Variants in FBN2 observed in about 807,000 individuals in gnomAD.
The protein encoded by FBN2 is fibrillin-2.
FBN2 carries 105 observed loss-of-function variants against 355.6 expected under a neutral mutation model. The ratio of observed to expected loss-of-function variants is 0.30; its 90% CI spans 0.25 to 0.35. The LOEUF is 0.35. Among genes scored for constraint, FBN2 ranks in the 10% least tolerant of loss-of-function variants. FBN2 has a pLI of 1.00. For synonymous variants in FBN2, 1,350 were observed against 1,301.2 expected (o/e 1.04, Z -0.81); for missense variants, 3,280 against 3,758.7 (o/e 0.87, Z 3.33).
At position 128,392,141 on chromosome 5, in the gene FBN2, T is replaced by A. The variant is rs200850552; in HGVS notation, c.1480A>T (p.Thr494Ser). The A allele has an allele frequency of 1.5e-5, 24 of 1,613,488 alleles. No individual in the cohort carries two copies. The highest frequency in any genetic ancestry group is 1.8e-5 in the Non-Finnish European group (21 of 1,179,632). The change falls in exon 11 of 65, where the codon ACA becomes TCA. Residue 494 changes from threonine to serine, a missense_variant. Thr to Ser is a moderately conservative substitution (Grantham distance 58, BLOSUM62 1). This residue lies in a region of FBN2 where 343 missense variants were observed against 331.0 expected (regional missense o/e 1.04). Transcript: ENST00000262464. ...IITGLTILNQ[T>S]IDICKHHANL... ...GCATGATGCTTACAGATATCTATTGTCTGGTTCAGAATTGCTACGGAAAAT... is the reference window on the plus strand; with the variant it reads ...GCATGATGCTTACAGATATCTATTGACTGGTTCAGAATTGCTACGGAAAAT...
Position 128,395,231 on chromosome 5 carries a change from G to T in FBN2, c.1122C>A (p.Arg374=). The T allele has an allele frequency of 1.9e-6, 3 of 1,614,122 alleles. No homozygotes were observed. Among genetic ancestry groups the T allele is most frequent in the Non-Finnish European group, 2.5e-6 (3 of 1,180,006 alleles). Residue 374 remains arginine (R), a synonymous_variant, in exon 9 of 65, where the codon CGC becomes CGA. Transcript: ENST00000262464. ...TTCTCCCCGGGAGCTCTTGTGCACA[G>T]CGGCCATTCACCAGGCCCGAGAAAC... The part of the protein sequence containing the change: ...GMCFSGLVNG[R]CAQELPGRMT...
intron 7 of FBN2, among the ~76,000 whole-genome samples, chr5:128,437,331 A>G (rs563124832): frequency 2.6e-5 from 4 of 152,354 alleles, no homozygotes; most frequent in East Asian, 3.9e-4. Flanking sequence ...GCAGCATGCA[A>G]TTACATAGAT....
At chr5:128,315,546 A>G (rs191430064) in intron 36 of FBN2, among the ~76,000 whole-genome samples, 1 of 152,344 alleles carries the variant, frequency 6.6e-6, no homozygotes, top group East Asian at 1.9e-4. Flanking sequence ...CGTCTTCTTT[A>G]AAGTCTCCAC....
At chr5:128,437,131 T>G (rs1753786567) in intron 7 of FBN2, among the ~76,000 whole-genome samples, 1 of 152,206 alleles carries the variant, frequency 6.6e-6, no homozygotes, top group African/African-American at 2.4e-5. Context: ...AGGGTGGAGT[T>G]CATAGTCTAC....
chr5:128,536,707 C>A (rs906257381), intron 1 of FBN2, among the ~76,000 whole-genome samples: 2 of 152,128 alleles, frequency 1.3e-5, no homozygotes, highest in Non-Finnish European at 2.9e-5. Context: ...TTTCATCTGT[C>A]GTCCCTTGCC....
chr5:128,509,851 A>C (rs929021146), intron 5 of FBN2, among the ~76,000 whole-genome samples: 11 of 152,052 alleles, frequency 7.2e-5, no homozygotes, highest in African/African-American at 2.7e-4. Flanking sequence ...ATACCCCACC[A>C]ATTATGTGAC....
In FBN2 at chr5:128,537,317, G is replaced by A. The variant is rs2112810570; in HGVS notation, c.254+33C>T. ...GAGGATTCCCCCCTCCCCCAAGCCG[G>A]AGCCCTAGGTGCGGAGCCGCTTGCC... On this transcript the variant is annotated intron_variant, in intron 1 of 64. Transcript: ENST00000262464. The A allele has an allele frequency of 2.5e-6, 4 of 1,607,216 alleles. No individual in the cohort carries two copies. The East Asian group carries it at 6.7e-5, about 27-fold the overall frequency.
At chr5:128,449,391 TAG>T (rs1254448194) in intron 6 of FBN2, among the ~76,000 whole-genome samples, 5 of 98,146 alleles carry the variant, frequency 5.1e-5, no homozygotes, top group African/African-American at 2.9e-4. Context: ...TACTATATAA[TAG>T]TATACTGTAT....
intron 34 of FBN2, among the ~76,000 whole-genome samples, chr5:128,322,132 G>A (rs1750392870): frequency 6.6e-6 from 1 of 151,962 alleles, no homozygotes; most frequent in South Asian, 2.1e-4. Context: ...ACTTTTTTAT[G>A]GGGTTGTTTT....
chr5:128,317,933 T>C (rs1382619943), intron 36 of FBN2, among the ~76,000 whole-genome samples: 1 of 152,172 alleles, frequency 6.6e-6, no homozygotes, highest in East Asian at 1.9e-4. Flanking sequence ...TCTGAGACCT[T>C]GAACAAATTA....
At chr5:128,442,012 C>G (rs1486854404) in intron 7 of FBN2, 1 of 188,666 alleles carries the variant, frequency 5.3e-6, no homozygotes, top group Non-Finnish European at 1.1e-5. Context: ...CAGTTTAGTA[C>G]AGAAAGTTTA....
At chr5:128,443,991 T>C (rs1312945993) in intron 7 of FBN2, among the ~76,000 whole-genome samples, 1 of 152,052 alleles carries the variant, frequency 6.6e-6, no homozygotes, top group East Asian at 1.9e-4. Flanking sequence ...GTTTATAGTT[T>C]TTCCAGATAT....
intron 7 of FBN2, among the ~76,000 whole-genome samples, chr5:128,445,270 G>A (rs1320169666): frequency 6.6e-6 from 1 of 152,028 alleles, no homozygotes; most frequent in Admixed American, 6.6e-5. Flanking sequence ...GAGGGAGCAT[G>A]AAATTAATTT....
At chr5:128,404,549 A>G (rs541803518) in intron 8 of FBN2, among the ~76,000 whole-genome samples, 2 of 152,380 alleles carry the variant, frequency 1.3e-5, no homozygotes, top group Non-Finnish European at 2.9e-5. Context: ...CAAAGGCTGC[A>G]AGGCCGCTAT....
chr5:128,322,565 T>C (rs1750411227), intron 34 of FBN2, among the ~76,000 whole-genome samples: 1 of 152,236 alleles, frequency 6.6e-6, no homozygotes, highest in Admixed American at 6.5e-5. Flanking sequence ...TGCTTGTTTT[T>C]TTCAGGTTTG....
At chr5:128,302,047 G>A (rs1749733760) in intron 46 of FBN2, among the ~76,000 whole-genome samples, 1 of 152,092 alleles carries the variant, frequency 6.6e-6, no homozygotes, top group South Asian at 2.1e-4. Context: ...AGTTCTCCCT[G>A]ACTGTACAAA....
At chr5:128,508,775 G>A (rs1396790033) in intron 5 of FBN2, among the ~76,000 whole-genome samples, 1 of 151,988 alleles carries the variant, frequency 6.6e-6, no homozygotes, top group African/African-American at 2.4e-5. Flanking sequence ...CTGTGCAGGT[G>A]ACTGGAAAAT....
At chr5:128,280,854 G>C (rs1320195778) in intron 55 of FBN2, among the ~76,000 whole-genome samples, 1 of 151,962 alleles carries the variant, frequency 6.6e-6, no homozygotes, top group Non-Finnish European at 1.5e-5. Flanking sequence ...TCTTTTGGTT[G>C]GTGATAAATA....
At chr5:128,461,172 C>T (rs552440386) in intron 6 of FBN2, among the ~76,000 whole-genome samples, 1 of 152,138 alleles carries the variant, frequency 6.6e-6, no homozygotes, top group East Asian at 1.9e-4. Context: ...AGACAAACAA[C>T]CCCATCAAAA....
Sources: gnomAD v4.1 joint callset for allele counts (sites outside exome capture counted in the v4.1 genomes callset) on GRCh38, gnomAD v4.1.1 for gene constraint, gnomAD v4.1.1 regional missense constraint, MANE v1.5 for transcripts, NCBI Gene and HGNC (gene_info 2026-07-23, HGNC 2026-07-21) for gene names.